STK38L: variants seen among roughly 807,000 people sequenced by gnomAD.
The protein encoded by STK38L is serine/threonine kinase 38 like.
In STK38L, 28 loss-of-function variants were observed where a neutral mutation model predicts 59.7. That is an observed-to-expected ratio of 0.47 (90% CI 0.35 to 0.64). The LOEUF (loss-of-function observed/expected upper bound fraction) is 0.64. STK38L is among the 30% of genes least tolerant of loss of function. STK38L has a pLI of 0.01. For missense variants in STK38L, 314 were observed against 555.8 expected (o/e 0.56, Z 4.37); for synonymous variants, 162 against 176.8 (o/e 0.92, Z 0.66).
chr12:27,306,257 A>G (rs1221055755), intron 3 of STK38L, among the ~76,000 whole-genome samples: 1 of 152,186 alleles, frequency 6.6e-6, no homozygotes, highest in Admixed American at 6.5e-5. Context: ...ATTCAGATTA[A>G]GCAGGATTTC....
intron 1 of STK38L, among the ~76,000 whole-genome samples, chr12:27,248,659 A>G (rs1474464090): frequency 6.6e-6 from 1 of 152,198 alleles, no homozygotes; most frequent in Non-Finnish European, 1.5e-5. Context: ...CTCCAGAGTC[A>G]TAGTCTCTGT....
rs1944817383 is a variant in STK38L, at chr12:27,325,381, T to A, written c.*2926T>A. The A allele has an allele frequency of 6.6e-6, 1 of 152,184 alleles. No homozygotes were observed. The highest frequency in any genetic ancestry group is 2.4e-5 in the African/African-American group (1 of 41,444). The allele number at this position is 152,184 out of a possible 1,614,324, so 9.4% of individuals were successfully genotyped here. On this transcript the variant is annotated 3_prime_UTR_variant, in exon 14 of 14. Coordinates refer to ENST00000389032, the MANE Select transcript of STK38L (RefSeq NM_015000.4). The stretch of plus-strand genomic sequence containing the variant: ...ATGTAAATCTCTAAATTTAAAATAT[T>A]TTAAGTACATTTATTTTTGGTGTTT...
At chr12:27,319,090 A>G (rs1328013148) in intron 11 of STK38L, among the ~76,000 whole-genome samples, 2 of 152,240 alleles carry the variant, frequency 1.3e-5, no homozygotes, top group Non-Finnish European at 2.9e-5. Context: ...CATAGTAACT[A>G]TGGTAGCAAC....
At position 27,281,067 on chromosome 12, in the gene STK38L, G is replaced by GTTT. The variant is rs1167645624; in HGVS notation, c.-11-16609_-11-16607dup. 3.5e-4 allele frequency among the ~76,000 whole-genome samples: 4 copies of GTTT among 11,552 alleles called. 1 individual carries two copies. Among genetic ancestry groups the GTTT allele is most frequent in the East Asian group, 2.6e-3 (2 of 762 alleles). The allele number at this position is 11,552 out of a possible 152,430, so 7.6% of individuals were successfully genotyped here. ...CAGATTTATTTTTGGCTTTAGCTTT[G>GTTT]TTTTTTTTTTTTTTTTTTTTTTTTT... On this transcript the variant is annotated intron_variant, in intron 1 of 13. Coordinates refer to ENST00000389032, the MANE Select transcript of STK38L (RefSeq NM_015000.4).
At chr12:27,266,200 G>A (rs779422905) in intron 1 of STK38L, among the ~76,000 whole-genome samples, 2 of 152,224 alleles carry the variant, frequency 1.3e-5, no homozygotes, top group African/African-American at 2.4e-5. Flanking sequence ...AAAGGTTTAC[G>A]ATAGTGGTAT....
intron 1 of STK38L, among the ~76,000 whole-genome samples, chr12:27,245,473 G>C (rs975655518): frequency 1.3e-5 from 2 of 152,138 alleles, no homozygotes; most frequent in African/African-American, 4.8e-5. Flanking sequence ...CTTTAAGGCA[G>C]GGCCTATTGT....
rs1464852344 is a variant in STK38L at position 27,275,405 on chromosome 12, G to A, written c.-11-22305G>A. 2.1e-5 allele frequency among the ~76,000 whole-genome samples: 3 copies of A among 141,986 alleles called. No individual in the cohort carries two copies. The East Asian group carries it at 6.1e-4, about 29-fold the overall frequency. 93.1% of individuals were successfully genotyped at this position (141,986 alleles called of 152,430 possible). ...GTTGCCCAGGCTGGAGTGCAATGGT[G>A]TGGTCTCAGCTCACTGCAACCTCTG... On this transcript the variant is annotated intron_variant, in intron 1 of 13. Transcript: ENST00000389032.
At chr12:27,294,269 C>T (rs1383247999) in intron 1 of STK38L, among the ~76,000 whole-genome samples, 1 of 151,682 alleles carries the variant, frequency 6.6e-6, no homozygotes, top group Non-Finnish European at 1.5e-5. Flanking sequence ...CCTGTAATCC[C>T]AGCACTTTGG....
Position 27,309,145 on chromosome 12 carries a change from A to C in STK38L, c.341A>C (p.His114Pro). ...TTGGTCCAGAAGAAAGATACAGGCC[A>C]TATCTATGCAATGAAGATATTGAGA... ...VRLVQKKDTG[H>P]IYAMKILRKS... is the part of the protein sequence containing the mutation. Residue 114 changes from histidine (H) to proline (P), a missense_variant, in exon 5 of 14, where the codon CAT becomes CCT. Coordinates refer to ENST00000389032, the MANE Select transcript of STK38L (RefSeq NM_015000.4). The C allele has an allele frequency of 6.2e-7, 1 of 1,604,218 alleles. No homozygotes were observed. Among genetic ancestry groups the C allele is most frequent in the East Asian group, 2.3e-5 (1 of 44,310 alleles).
chr12:27,255,938 A>C (rs1321072202), intron 1 of STK38L, among the ~76,000 whole-genome samples: 1 of 152,054 alleles, frequency 6.6e-6, no homozygotes, highest in Non-Finnish European at 1.5e-5. Flanking sequence ...TTCTCCCTTC[A>C]CAGAGCCATT....
At chr12:27,318,275 G>A (rs1944636102) in intron 11 of STK38L, among the ~76,000 whole-genome samples, 1 of 152,228 alleles carries the variant, frequency 6.6e-6, no homozygotes, top group African/African-American at 2.4e-5. Flanking sequence ...ACTTCTGTTA[G>A]AATGCAATGA....
rs1944797591 is a variant in STK38L at position 27,324,445 on chromosome 12, T to C, written c.*1990T>C. 6.6e-6 allele frequency: 1 copy of C among 152,100 alleles called. No homozygotes were observed. Among genetic ancestry groups the C allele is most frequent in the Admixed American group, 6.5e-5 (1 of 15,268 alleles). 9.4% of individuals were successfully genotyped at this position (152,100 alleles called of 1,614,324 possible). On this transcript the variant is annotated 3_prime_UTR_variant, in exon 14 of 14. Transcript: ENST00000389032. ...TAATTGCAACATTGTCTAGTTCTAGTATGGTAACTATTCTTGAAATGGTAT... is the reference window on the plus strand; with the variant it reads ...TAATTGCAACATTGTCTAGTTCTAGCATGGTAACTATTCTTGAAATGGTAT...
At chr12:27,256,373 A>G (rs566134036) in intron 1 of STK38L, among the ~76,000 whole-genome samples, 1 of 152,176 alleles carries the variant, frequency 6.6e-6, no homozygotes, top group Non-Finnish European at 1.5e-5. Context: ...CTCTCCAACC[A>G]CACTGAACCA....
intron 5 of STK38L, among the ~76,000 whole-genome samples, chr12:27,309,684 C>T (rs777562980): frequency 6.6e-6 from 1 of 152,196 alleles, no homozygotes; most frequent in Non-Finnish European, 1.5e-5. Flanking sequence ...CCCTAAGGGT[C>T]CATCTCCAAA....
chr12:27,301,133 A>G (rs1944158685), intron 2 of STK38L, among the ~76,000 whole-genome samples: 1 of 152,224 alleles, frequency 6.6e-6, no homozygotes, highest in African/African-American at 2.4e-5. Flanking sequence ...TAGTTACTTC[A>G]TCCACACTGC....
At chr12:27,267,550 A>G (rs1407864020) in intron 1 of STK38L, among the ~76,000 whole-genome samples, 1 of 152,214 alleles carries the variant, frequency 6.6e-6, no homozygotes, top group Non-Finnish European at 1.5e-5. Context: ...GAACATTGTT[A>G]TGATGCAGTG....
At chr12:27,259,505 T>C (rs1244964867) in intron 1 of STK38L, among the ~76,000 whole-genome samples, 1 of 152,212 alleles carries the variant, frequency 6.6e-6, no homozygotes, top group Non-Finnish European at 1.5e-5. Context: ...GACACTGGAC[T>C]GGAAGTTCTC....
intron 1 of STK38L, among the ~76,000 whole-genome samples, chr12:27,278,572 G>T (rs1943586342): frequency 6.6e-6 from 1 of 152,112 alleles, no homozygotes; most frequent in Non-Finnish European, 1.5e-5. Flanking sequence ...ACCTAAAGCC[G>T]ATGAAACTGT....
At chr12:27,251,920 A>G (rs1942983190) in intron 1 of STK38L, among the ~76,000 whole-genome samples, 1 of 152,234 alleles carries the variant, frequency 6.6e-6, no homozygotes, top group Non-Finnish European at 1.5e-5. Context: ...GGGAGGACAG[A>G]CATAAACAGT....
Sources: gnomAD v4.1 joint callset for allele counts (sites outside exome capture counted in the v4.1 genomes callset) on GRCh38, gnomAD v4.1.1 for gene constraint, MANE v1.5 for transcripts, NCBI Gene and HGNC (gene_info 2026-07-23, HGNC 2026-07-21) for gene names.